GNAO1: variants seen among roughly 807,000 people sequenced by gnomAD.
GNAO1 encodes the protein guanine nucleotide-binding protein G(o) subunit alpha.
For synonymous variants in GNAO1, 164 were observed against 180.7 expected, an observed-to-expected ratio of 0.91 and a Z score of 0.74; for missense variants, 166 against 478.7, an observed-to-expected ratio of 0.35 and a Z score of 6.10.
At chr16:56,334,901 G>A (rs1466673446) in intron 5 of GNAO1, 44 bp downstream of exon 5, 1 of 1,604,770 alleles carries the variant, frequency 6.2e-7, no homozygotes, top group Admixed American at 1.7e-5. Flanking sequence ...GGGCTAAGAT[G>A]GGACATGCCC....
Position 56,192,359 on chromosome 16 carries a change from G to A in GNAO1, c.118+6G>A. ...CGTGAAATTACTCCTGCTCGGTAAGGACCGCCGCTGCTACCCCCATCCCCC... is the reference window on the plus strand; with the variant it reads ...CGTGAAATTACTCCTGCTCGGTAAGAACCGCCGCTGCTACCCCCATCCCCC... On this transcript the variant is annotated splice_donor_region_variant and intron_variant, in intron 1 of 8. Transcript: ENST00000262493. The A allele has an allele frequency of 6.6e-7, 1 of 1,515,814 alleles. No individual in the cohort carries two copies. The allele number at this position is 1,515,814 out of a possible 1,614,324, so 93.9% of individuals were successfully genotyped here.
intron 6 of GNAO1, among the ~76,000 whole-genome samples, chr16:56,337,872 CG>C (rs1175921642): frequency 6.6e-6 from 1 of 152,200 alleles, no homozygotes; most frequent in Non-Finnish European, 1.5e-5. Context: ...CTCCTGACAG[CG>C]GGGCCCATAG....
chr16:56,339,408 TTC>T (rs1313394762), intron 6 of GNAO1, among the ~76,000 whole-genome samples: 1 of 152,238 alleles, frequency 6.6e-6, no homozygotes, highest in African/African-American at 2.4e-5. Flanking sequence ...GGCTACAACA[TTC>T]AGATGCCATG....
At chr16:56,213,794 C>T (rs762701014) in intron 2 of GNAO1, among the ~76,000 whole-genome samples, 13 of 152,060 alleles carry the variant, frequency 8.5e-5, no homozygotes, top group South Asian at 2.1e-4. Context: ...CGAGTCTGCC[C>T]GTGTGCAAAC....
chr16:56,225,268 A>G (rs1437130744), intron 2 of GNAO1, among the ~76,000 whole-genome samples: 2 of 152,240 alleles, frequency 1.3e-5, no homozygotes, highest in African/African-American at 4.8e-5. Flanking sequence ...GCCAAGTGTC[A>G]TGATGTCAGG....
At position 56,343,482 on chromosome 16, in the gene GNAO1, T is replaced by C. The variant is rs541802077; in HGVS notation, c.723+6622T>C. Among the ~76,000 whole-genome samples the C allele has an allele frequency of 6.9e-5, 7 of 100,958 alleles. No homozygotes were observed. The South Asian group carries it at 2.4e-3, about 35-fold the overall frequency. 66.2% of individuals were successfully genotyped at this position (100,958 alleles called of 152,430 possible). ...CAGCTTGAGCAACAGAGCAAGACCCTATCTCAAAAAAAAAAAAAAAAGATA... is the reference window on the plus strand; with the variant it reads ...CAGCTTGAGCAACAGAGCAAGACCCCATCTCAAAAAAAAAAAAAAAAGATA... On this transcript the variant is annotated intron_variant, in intron 6 of 8. Transcript: ENST00000262493.
At chr16:56,251,100 C>T (rs1186767271) in intron 2 of GNAO1, among the ~76,000 whole-genome samples, 4 of 152,208 alleles carry the variant, frequency 2.6e-5, no homozygotes, top group African/African-American at 9.7e-5. Flanking sequence ...GTTTTACAGT[C>T]TACAACAGGC....
chr16:56,229,137 CTAGAGG>C (rs1169892932), intron 2 of GNAO1, among the ~76,000 whole-genome samples: 1 of 152,110 alleles, frequency 6.6e-6, no homozygotes, highest in African/African-American at 2.4e-5. Flanking sequence ...GATTTGGAGG[CTAGAGG>C]TAGAATCATT....
In GNAO1 at chr16:56,356,685, C is replaced by T. The variant is rs1248582246; in HGVS notation, c.*611C>T. On this transcript the variant is annotated 3_prime_UTR_variant, in exon 9 of 9. Transcript: ENST00000262493. Reference sequence around the variant, plus strand: ...GCCAGTAGCTGCCAAAAAGAACACCCATCGTATAAGGAAATCCAGCCCCAT... The same window carrying T: ...GCCAGTAGCTGCCAAAAAGAACACCTATCGTATAAGGAAATCCAGCCCCAT... 6 of 152,888 alleles carry T rather than the reference C, an allele frequency of 3.9e-5. No individual in the cohort carries two copies. The highest frequency in any genetic ancestry group is 3.3e-4 in the Admixed American group (5 of 15,310). 9.5% of individuals were successfully genotyped at this position (152,888 alleles called of 1,614,324 possible).
At chr16:56,238,957 G>A (rs148107364) in intron 2 of GNAO1, among the ~76,000 whole-genome samples, 4 of 152,242 alleles carry the variant, frequency 2.6e-5, no homozygotes, top group Non-Finnish European at 4.4e-5. Context: ...TACTCTCACT[G>A]TACACTCTGA....
Position 56,192,210 on chromosome 16 carries a change from C to A in GNAO1, c.-26C>A. On this transcript the variant is annotated 5_prime_UTR_variant, in exon 1 of 9. Coordinates refer to ENST00000262493, the MANE Select transcript of GNAO1 (RefSeq NM_020988.3). Reference sequence around the variant, plus strand: ...GGGGAGCCGTGCCAGCCGAGTCGTGCGGGCTGTGGCAGGGAAGGGGCCACC... The same window carrying A: ...GGGGAGCCGTGCCAGCCGAGTCGTGAGGGCTGTGGCAGGGAAGGGGCCACC... The A allele has an allele frequency of 1.5e-6, 2 of 1,315,506 alleles. No homozygotes were observed. The highest frequency in any genetic ancestry group is 2.2e-6 in the Non-Finnish European group (2 of 924,542). The allele number at this position is 1,315,506 out of a possible 1,614,324, so 81.5% of individuals were successfully genotyped here.
intron 3 of GNAO1, among the ~76,000 whole-genome samples, chr16:56,288,739 A>C (rs2143552717): frequency 6.6e-6 from 1 of 152,206 alleles, no homozygotes; most frequent in African/African-American, 2.4e-5. Flanking sequence ...GCAGGGGTGG[A>C]GGCGGGTAGG....
intron 2 of GNAO1, 178 bp downstream of exon 2, chr16:56,192,794 G>A (rs2036191653): frequency 1.7e-6 from 1 of 603,108 alleles, no homozygotes; most frequent in African/African-American, 1.8e-5. Context: ...CGTTGGTTCT[G>A]GGTCCTCCAC....
At chr16:56,195,781 G>A (rs955502642) in intron 2 of GNAO1, among the ~76,000 whole-genome samples, 6 of 152,210 alleles carry the variant, frequency 3.9e-5, no homozygotes, top group African/African-American at 1.4e-4. Flanking sequence ...AGACATCACT[G>A]AATAAAACTC....
At chr16:56,278,230 G>C (rs1308312521) in intron 3 of GNAO1, among the ~76,000 whole-genome samples, 1 of 152,218 alleles carries the variant, frequency 6.6e-6, no homozygotes, top group Non-Finnish European at 1.5e-5. Flanking sequence ...ACTGGACACA[G>C]TCGAGTCCAA....
Position 56,192,163 on chromosome 16 carries a change from G to C in GNAO1, c.-73G>C. On this transcript the variant is annotated 5_prime_UTR_variant, in exon 1 of 9. Transcript: ENST00000262493. The stretch of plus-strand genomic sequence containing the variant: ...TTGAGCCCAGGCTCTGCTCTCTGGG[G>C]GGGTGGGGGGCGCTCCAAGCCGGGG... 1.2e-6 allele frequency: 1 copy of C among 822,906 alleles called. No individual in the cohort carries two copies. Among genetic ancestry groups the C allele is most frequent in the Non-Finnish European group, 2.0e-6 (1 of 489,166 alleles). 51.0% of individuals were successfully genotyped at this position (822,906 alleles called of 1,614,324 possible).
intron 8 of GNAO1, 150 bp downstream of exon 8, chr16:56,355,231 A>C: frequency 4.6e-6 from 1 of 215,986 alleles, no homozygotes; most frequent in East Asian, 1.0e-4. Context: ...ATATATACAA[A>C]TATATATTTA....
intron 3 of GNAO1, among the ~76,000 whole-genome samples, chr16:56,298,730 G>T (rs1046830242): frequency 6.6e-6 from 1 of 151,986 alleles, no homozygotes; most frequent in Non-Finnish European, 1.5e-5. Context: ...GGCTAACACG[G>T]TGAAACCCCA....
rs561907867 is a variant in GNAO1 at position 56,227,907 on chromosome 16, C to T, written c.161+35291C>T. 9.2e-5 allele frequency among the ~76,000 whole-genome samples: 14 copies of T among 152,130 alleles called. No homozygotes were observed. In the East Asian group the frequency reaches 2.7e-3, roughly 29 times the overall value. On this transcript the variant is annotated intron_variant, in intron 2 of 8. Transcript: ENST00000262493. ...AATGGTGTTCTTCAGTGTCACTAGG[C>T]GTGGCTGGAGCTGAGTGGAAGCTGC...
Sources: allele counts gnomAD v4.1 joint callset (sites outside exome capture counted in the v4.1 genomes callset), GRCh38; gene constraint gnomAD v4.1.1; transcripts MANE v1.5; gene names NCBI Gene and HGNC (gene_info 2026-07-23, HGNC 2026-07-21).